Variants in TLR1 observed in about 807,000 individuals in gnomAD.
TLR1 encodes toll-like receptor 1.
TLR1 carries 19 observed loss-of-function variants against 20.2 expected under a neutral mutation model. The ratio of observed to expected loss-of-function variants is 0.94; its 90% CI spans 0.66 to 1.38. TLR1 has a LOEUF of 1.38. TLR1 is among the 40% of genes most tolerant of loss of function. The pLI, the probability that TLR1 is intolerant of heterozygous loss-of-function variation, is 0.00. For synonymous variants in TLR1, 320 were observed against 334.5 expected, an observed-to-expected ratio of 0.96 and a Z score of 0.47; for missense variants, 921 against 910.0, an observed-to-expected ratio of 1.01 and a Z score of -0.16.
At chr4:38,792,706 T>C (rs1180606320), downstream of TLR1, among the ~76,000 whole-genome samples, 1 of 152,058 alleles carries the variant, frequency 6.6e-6, no homozygotes, top group African/African-American at 2.4e-5. Flanking sequence ...TGTTAGAAAT[T>C]TGGAATGTCT....
At chr4:38,792,203 G>A (rs552728545), downstream of TLR1, among the ~76,000 whole-genome samples, 3 of 152,090 alleles carry the variant, frequency 2.0e-5, no homozygotes, top group Non-Finnish European at 4.4e-5. Context: ...CCAGCATGCC[G>A]GTTTACAAAG....
chr4:38,798,776 A>C lies in TLR1; in HGVS notation c.56T>G (p.Ile19Arg), dbSNP rs200508559. 5.6e-6 allele frequency: 9 copies of C among 1,611,282 alleles called. No homozygotes were observed. The highest frequency in any genetic ancestry group is 8.5e-7 in the Non-Finnish European group (1 of 1,179,508). ...IIFMLILQIR[I>R]QLSEESEFLV... ...AAATTCACTTTCTTCAGATAATTGT[A>C]TTCTGATCTGAAGTATTAACATGAA... Residue 19 changes from isoleucine to arginine, a missense_variant, in exon 4 of 4, where the codon ATA becomes AGA. By Grantham distance (97) the Ile-to-Arg change is moderately conservative (BLOSUM62 -3). Transcript: ENST00000308979.
At chr4:38,789,651 C>T (rs1579190787), downstream of TLR1, among the ~76,000 whole-genome samples, 2 of 152,004 alleles carry the variant, frequency 1.3e-5, no homozygotes, top group Non-Finnish European at 2.9e-5. Context: ...TTAGTAGAGC[C>T]GGGGTTTCAC....
At chr4:38,798,959 T>C in intron 3 of TLR1, 61 bp from the exon 4 acceptor site, 2 of 838,228 alleles carry the variant, frequency 2.4e-6, no homozygotes, top group Non-Finnish European at 1.8e-6. Context: ...TACACGAAAT[T>C]AGTCATGGCT....
chr4:38,799,748 G>A (rs922092833), intron 3 of TLR1, among the ~76,000 whole-genome samples: 4 of 152,150 alleles, frequency 2.6e-5, no homozygotes, highest in African/African-American at 9.7e-5. Context: ...CCTATACACG[G>A]TTTGGGTCTA....
At position 38,796,674 on chromosome 4, in the gene TLR1, G is replaced by A. The variant is rs1267115456; in HGVS notation, c.2158C>T (p.His720Tyr). 6.2e-7 allele frequency: 1 copy of A among 1,614,206 alleles called. No homozygotes were observed. Among genetic ancestry groups the A allele is most frequent in the African/African-American group, 1.3e-5 (1 of 75,042 alleles). Residue 720 changes from histidine to tyrosine, a missense_variant, in exon 4 of 4, where the codon CAT (histidine) becomes TAT (tyrosine). By Grantham distance (83) the His-to-Tyr change is moderately conservative (BLOSUM62 2). Coordinates refer to ENST00000308979, the MANE Select transcript of TLR1 (RefSeq NM_003263.4). ...ELYFAHHNLFHEGSNSLILIL... is the reference protein window; with the variant it reads ...ELYFAHHNLFYEGSNSLILIL... ...AGGATTAAGCTATTAGATCCTTCAT[G>A]AAAGAGATTGTGATGGGCAAAGTAG... is the stretch of plus-strand genomic sequence containing the variant.
At chr4:38,800,706 C>G (rs1579212468) in intron 3 of TLR1, 151 bp downstream of exon 3, 1 of 152,634 alleles carries the variant, frequency 6.6e-6, no homozygotes. Flanking sequence ...ATCAGCAAAG[C>G]ACCAAATTCC....
rs1401415422 is a variant in TLR1 at position 38,796,722 on chromosome 4, T to C, written c.2110A>G (p.Ser704Gly). 6.2e-7 allele frequency: 1 copy of C among 1,614,174 alleles called. No homozygotes were observed. The highest frequency in any genetic ancestry group is 1.7e-5 in the Admixed American group (1 of 60,024). Residue 704 changes from serine (S) to glycine (G), a missense_variant, in exon 4 of 4, where the codon AGT becomes GGT. Transcript: ENST00000308979. ...TAGAGTTCATAATGGCACCATTCAC[T>C]CTGGACAAAGTTGGGAGACAAAACA... ...IFVLSPNFVQSEWCHYELYFA... is the reference protein window; with the variant it reads ...IFVLSPNFVQGEWCHYELYFA...
downstream of TLR1, among the ~76,000 whole-genome samples, chr4:38,793,210 G>A (rs767275618): frequency 2.0e-5 from 3 of 152,112 alleles, no homozygotes; most frequent in Non-Finnish European, 4.4e-5. Flanking sequence ...GGCTTCAACA[G>A]TACCACTTGG....
rs141091142 is a variant in TLR1 at position 38,797,828 on chromosome 4, C to G, written c.1004G>C (p.Gly335Ala). 57 of 1,614,036 alleles carry G rather than the reference C, an allele frequency of 3.5e-5. No homozygotes were observed. The African/African-American group carries it at 4.8e-4, about 14-fold the overall frequency. Residue 335 changes from glycine to alanine, a missense_variant, in exon 4 of 4, where the codon GGT becomes GCT. Transcript: ENST00000308979. ...GCAAAGCATGTGGACCATGCGTGTA[C>G]CAGACACTGTGAAATTTTTGATGTT... ...NMNIKNFTVS[G>A]TRMVHMLCPS...
At chr4:38,791,825 G>A (rs1041300819), downstream of TLR1, among the ~76,000 whole-genome samples, 2 of 152,186 alleles carry the variant, frequency 1.3e-5, no homozygotes, top group South Asian at 2.1e-4. Context: ...CGTAACAATA[G>A]TATGAGACAG....
At chr4:38,802,025 T>C (rs5743585) in intron 2 of TLR1, among the ~76,000 whole-genome samples, 22,208 of 152,104 alleles carry the variant, frequency 0.15, 2,237 homozygotes, top group East Asian at 0.4. Flanking sequence ...GGTGAAACCC[T>C]GTCTCTACTA....
exon 4 of TLR1, chr4:38,790,971 A>T (rs1415502644): frequency 6.6e-6 from 1 of 152,034 alleles, no homozygotes; most frequent in Non-Finnish European, 1.5e-5. Flanking sequence ...CTTGTTTGGG[A>T]CCTTGTTGAT....
chr4:38,796,966 C>G lies in TLR1; in HGVS notation c.1866G>C (p.Arg622Ser). The G allele has an allele frequency of 6.2e-7, 1 of 1,614,122 alleles. No individual in the cohort carries two copies. Among genetic ancestry groups the G allele is most frequent in the Admixed American group, 1.7e-5 (1 of 60,014 alleles). Residue 622 changes from arginine to serine, a missense_variant, in exon 4 of 4, where the codon AGG becomes AGC. By Grantham distance (110) the Arg-to-Ser change is moderately radical (BLOSUM62 -1). Coordinates refer to ENST00000308979, the MANE Select transcript of TLR1 (RefSeq NM_003263.4). ...MVCQWTQTRRRARNIPLEELQ... is the reference protein window; with the variant it reads ...MVCQWTQTRRSARNIPLEELQ... ...GTTCTTCTAAGGGTATGTTCCTGGC[C>G]CTGCGCCGGGTCTGGGTCCACTGGC...
Position 38,796,542 on chromosome 4 carries a change from T to G in TLR1, c.2290A>C (p.Lys764Gln), listed in dbSNP as rs1238680338. 2.5e-6 allele frequency: 4 copies of G among 1,614,108 alleles called. No homozygotes were observed. The Admixed American group carries it at 6.7e-5, about 27-fold the overall frequency. ...TYLEWPKEKSKRGLFWANLRA... is the reference protein window; with the variant it reads ...TYLEWPKEKSQRGLFWANLRA... ...AAGTTAGCCCAAAAAAGGCCACGTTTGCTCTTTTCCTTGGGCCATTCCAAA... is the reference window on the plus strand; with the variant it reads ...AAGTTAGCCCAAAAAAGGCCACGTTGGCTCTTTTCCTTGGGCCATTCCAAA... Residue 764 changes from lysine (K) to glutamine (Q), a missense_variant, in exon 4 of 4, where the codon AAA becomes CAA. Physicochemically the swap from Lys to Gln is moderately conservative, Grantham distance 53. Coordinates refer to ENST00000308979, the MANE Select transcript of TLR1 (RefSeq NM_003263.4).
chr4:38,797,197 T>C lies in TLR1; in HGVS notation c.1635A>G (p.Glu545=), dbSNP rs747969548. The change falls in exon 4 of 4, where the codon GAA becomes GAG. Residue 545 remains glutamate, a synonymous_variant. Coordinates refer to ENST00000308979, the MANE Select transcript of TLR1 (RefSeq NM_003263.4). The stretch of plus-strand genomic sequence containing the variant: ...AAGAATCAGGCCAGCCCTCTAACAC[T>C]TCACTTGATACTTGGTCTATATTTT... ...FVKNIDQVSS[E]VLEGWPDSYK... is the part of the protein sequence containing the mutation. 1 of 1,614,260 alleles carries C rather than the reference T, an allele frequency of 6.2e-7. No individual in the cohort carries two copies. The highest frequency in any genetic ancestry group is 1.1e-5 in the South Asian group (1 of 91,088).
downstream of TLR1, among the ~76,000 whole-genome samples, chr4:38,787,794 C>T (rs984556999): frequency 1.3e-5 from 2 of 152,174 alleles, no homozygotes; most frequent in Non-Finnish European, 2.9e-5. Context: ...TACCATATTA[C>T]ACAAACAGGA....
intron 2 of TLR1, among the ~76,000 whole-genome samples, chr4:38,801,508 G>T (rs1042683146): frequency 6.6e-6 from 1 of 152,212 alleles, no homozygotes; most frequent in Admixed American, 6.5e-5. Flanking sequence ...AAGCTAGGTC[G>T]AAGCAAAAGT....
At chr4:38,802,162 A>T (rs1313955239) in intron 2 of TLR1, among the ~76,000 whole-genome samples, 1 of 152,138 alleles carries the variant, frequency 6.6e-6, no homozygotes, top group African/African-American at 2.4e-5. Context: ...ATGCCATTGC[A>T]CTCCAGCCTG....
Sources: allele counts gnomAD v4.1 joint callset (sites outside exome capture counted in the v4.1 genomes callset), GRCh38; gene constraint gnomAD v4.1.1; transcripts MANE v1.5; gene names NCBI Gene and HGNC (gene_info 2026-07-23, HGNC 2026-07-21).